Variants in PDGFRL observed in about 807,000 individuals in gnomAD.
The protein encoded by PDGFRL is platelet-derived growth factor receptor-like protein.
In PDGFRL, 46 loss-of-function variants were observed where a neutral mutation model predicts 37.2. That is an observed-to-expected ratio of 1.24 (90% CI 0.98 to 1.58). PDGFRL has a LOEUF of 1.58. PDGFRL is among the 40% of genes most tolerant of loss of function. The pLI, the probability that PDGFRL is intolerant of heterozygous loss-of-function variation, is 0.00. For synonymous variants in PDGFRL, 251 were observed against 184.3 expected (o/e 1.36, Z -2.93); for missense variants, 692 against 467.6 (o/e 1.48, Z -4.43).
At chr8:17,633,059 T>C (rs555284161) in intron 4 of PDGFRL, among the ~76,000 whole-genome samples, 1 of 152,292 alleles carries the variant, frequency 6.6e-6, no homozygotes, top group East Asian at 1.9e-4. Flanking sequence ...TTTGCTAGAA[T>C]ACAGATTCCA....
chr8:17,642,227 A>G (rs1193967434), intron 5 of PDGFRL, among the ~76,000 whole-genome samples: 2 of 152,190 alleles, frequency 1.3e-5, no homozygotes, highest in African/African-American at 4.8e-5. Flanking sequence ...TCTGTAGGTA[A>G]GAACCACTTA....
At chr8:17,577,213 G>T, upstream of PDGFRL, 1 of 1,598,578 alleles carries the variant, frequency 6.3e-7, no homozygotes, top group Non-Finnish European at 8.5e-7. Flanking sequence ...GCCCCGCGCA[G>T]CCGCCGCGCT....
intron 1 of PDGFRL, among the ~76,000 whole-genome samples, chr8:17,580,109 T>A (rs2517266): frequency 6.6e-6 from 1 of 151,944 alleles, no homozygotes; most frequent in Non-Finnish European, 1.5e-5. Context: ...TTCTGTTGAA[T>A]AACATGAGAT....
chr8:17,638,786 T>TATATATATATATATATAA (rs751775328), intron 5 of PDGFRL, among the ~76,000 whole-genome samples: 13 of 102,844 alleles, frequency 1.3e-4, no homozygotes, highest in East Asian at 3.3e-4. Flanking sequence ...TATATATATA[T>TATATATATATATATATAA]AATTGTGATA....
At position 17,641,901 on chromosome 8, in the gene PDGFRL, G is replaced by GCCCCCCCC. The variant is rs1554556556; in HGVS notation, c.940-710_940-709insCCCCCCCC. On this transcript the variant is annotated intron_variant, in intron 5 of 5. Coordinates refer to ENST00000251630, the MANE Select transcript of PDGFRL (RefSeq NM_001372073.1). ...TTGATGATTTTCAATAGAGGTCCCC[G>GCCCCCCCC]CCACATTGCTATTTGGTATTTTATG... Among the ~76,000 whole-genome samples, 658 of 116,254 alleles carry GCCCCCCCC rather than the reference G, an allele frequency of 5.7e-3. 35 individuals are homozygous for GCCCCCCCC. The highest frequency in any genetic ancestry group is 0.023 in the African/African-American group (605 of 26,378). 76.3% of individuals were successfully genotyped at this position (116,254 alleles called of 152,430 possible).
chr8:17,592,547 C>G (rs1212910735), intron 2 of PDGFRL, among the ~76,000 whole-genome samples: 2 of 152,206 alleles, frequency 1.3e-5, no homozygotes, highest in African/African-American at 4.8e-5. Context: ...GGAGTCACCT[C>G]TAATCTCGAT....
upstream of PDGFRL, chr8:17,576,671 AC>A: frequency 1.0e-6 from 1 of 978,100 alleles, no homozygotes; most frequent in Non-Finnish European, 1.2e-6. Context: ...CCGTCCTCCC[AC>A]CCCCACCAGC....
In PDGFRL at chr8:17,600,418, C is replaced by T. The variant is rs74947473; in HGVS notation, c.353+10653C>T. ...CTATACACTCCTCTCTACTTGCTGG[C>T]GAATGCCCTCGATTTGTCCTATATT... On this transcript the variant is annotated intron_variant, in intron 2 of 5. Transcript: ENST00000251630. Among the ~76,000 whole-genome samples, 1,327 of 152,204 alleles carry T rather than the reference C, an allele frequency of 8.7e-3. 29 individuals carry two copies. The highest frequency in any genetic ancestry group is 0.03 in the African/African-American group (1,262 of 41,518).
rs1015681793 is a variant in PDGFRL at position 17,590,030 on chromosome 8, G to C, written c.353+265G>C. 2.0e-5 allele frequency among the ~76,000 whole-genome samples: 3 copies of C among 151,288 alleles called. No individual in the cohort carries two copies. The East Asian group carries it at 5.9e-4, about 30-fold the overall frequency. ...GCGGATCACGAGGTCAGGAGATCGA[G>C]GCTATCCTGGCTAACCCGGTGAAAT... is the stretch of plus-strand genomic sequence containing the variant. On this transcript the variant is annotated intron_variant, in intron 2 of 5. Transcript: ENST00000251630.
At position 17,591,072 on chromosome 8, in the gene PDGFRL, C is replaced by G. The variant is rs575049105; in HGVS notation, c.353+1307C>G. Among the ~76,000 whole-genome samples the G allele has an allele frequency of 2.5e-4, 38 of 152,052 alleles. No individual in the cohort carries two copies. In the East Asian group the frequency reaches 4.7e-3, roughly 19 times the overall value. On this transcript the variant is annotated intron_variant, in intron 2 of 5. Transcript: ENST00000251630. ...TAATTTTTTGCTTTTTTAGTAGAGACAGAGTTTCACTATGTTAGCCAGGAT... is the reference window on the plus strand; with the variant it reads ...TAATTTTTTGCTTTTTTAGTAGAGAGAGAGTTTCACTATGTTAGCCAGGAT...
chr8:17,602,541 A>T (rs1017781645), intron 2 of PDGFRL, among the ~76,000 whole-genome samples: 1 of 152,164 alleles, frequency 6.6e-6, no homozygotes, highest in African/African-American at 2.4e-5. Context: ...CAAAACAGAA[A>T]TGAAAAGCAG....
chr8:17,640,339 G>T (rs1164806067), intron 5 of PDGFRL, among the ~76,000 whole-genome samples: 1 of 152,250 alleles, frequency 6.6e-6, no homozygotes, highest in East Asian at 1.9e-4. Flanking sequence ...ATCTTCTGGG[G>T]TGTTAAAGAA....
In PDGFRL at chr8:17,642,818, T is replaced by C; in HGVS notation, c.*17T>C. 1 of 1,543,354 alleles carries C rather than the reference T, an allele frequency of 6.5e-7. No individual in the cohort carries two copies. Among genetic ancestry groups the C allele is most frequent in the Admixed American group, 1.7e-5 (1 of 59,008 alleles). ...TTTTCCTGACTTGGAAAAGGAAATGTAATGAACTTATGGAAAGCCCATTTG... is the reference window on the plus strand; with the variant it reads ...TTTTCCTGACTTGGAAAAGGAAATGCAATGAACTTATGGAAAGCCCATTTG... On this transcript the variant is annotated 3_prime_UTR_variant, in exon 6 of 6. Transcript: ENST00000251630.
intron 1 of PDGFRL, among the ~76,000 whole-genome samples, chr8:17,587,794 C>G (rs1316626586): frequency 6.6e-6 from 1 of 152,044 alleles, no homozygotes; most frequent in Non-Finnish European, 1.5e-5. Context: ...CCATGCCTGG[C>G]TAATTTTGTA....
rs1030096514 is a variant in PDGFRL at position 17,589,855 on chromosome 8, A to T, written c.353+90A>T. ...TAACTATTATTACACATTGTTTCTG[A>T]CATGTTCCATTTTACCCTAATAGAT... On this transcript the variant is annotated intron_variant, in intron 2 of 5. Coordinates refer to ENST00000251630, the MANE Select transcript of PDGFRL (RefSeq NM_001372073.1). The T allele has an allele frequency of 6.4e-6, 5 of 776,102 alleles. No homozygotes were observed. The African/African-American group carries it at 7.0e-5, about 11-fold the overall frequency. 48.1% of individuals were successfully genotyped at this position (776,102 alleles called of 1,614,324 possible). A position where few individuals can be genotyped will look rare whatever the true frequency, so the allele number is the denominator to read the frequency against.
intron 3 of PDGFRL, among the ~76,000 whole-genome samples, chr8:17,625,237 C>A (rs1223061085): frequency 6.8e-6 from 1 of 146,956 alleles, no homozygotes; most frequent in South Asian, 2.2e-4. Context: ...CTGCAACCTC[C>A]GACTCCCCGG....
At chr8:17,626,397 C>A (rs1346658514) in intron 3 of PDGFRL, among the ~76,000 whole-genome samples, 2 of 152,150 alleles carry the variant, frequency 1.3e-5, no homozygotes, top group South Asian at 4.2e-4. Flanking sequence ...ACTCTCTGAG[C>A]CATGATATAC....
At chr8:17,640,555 A>G (rs1805069934) in intron 5 of PDGFRL, among the ~76,000 whole-genome samples, 1 of 151,966 alleles carries the variant, frequency 6.6e-6, no homozygotes, top group African/African-American at 2.4e-5. Flanking sequence ...TCTCTTCTGT[A>G]TCTAGCCACC....
chr8:17,583,568 G>C (rs544187365), intron 1 of PDGFRL, among the ~76,000 whole-genome samples: 6 of 152,192 alleles, frequency 3.9e-5, no homozygotes, highest in Non-Finnish European at 8.8e-5. Context: ...TGGGGGGCCA[G>C]AGGTGCAATG....
Sources: allele counts gnomAD v4.1 joint callset (sites outside exome capture counted in the v4.1 genomes callset), GRCh38; gene constraint gnomAD v4.1.1; transcripts MANE v1.5; gene names NCBI Gene and HGNC (gene_info 2026-07-23, HGNC 2026-07-21).